The following AIG1 variants were observed in gnomAD, a reference collection of about 807,000 sequenced individuals.
The protein encoded by AIG1 is androgen induced 1.
AIG1 carries 23 observed loss-of-function variants against 31.4 expected under a neutral mutation model. The observed-to-expected ratio is 0.73, with a 90% CI of 0.53 to 1.04. AIG1 has a LOEUF of 1.04. Ranked by LOEUF, AIG1 falls within the 50% of genes least tolerant of loss-of-function variation. The probability of loss-of-function intolerance (pLI) is 0.00; values close to 1 mark genes in which losing one functional copy is unlikely to be tolerated. For missense variants in AIG1, 274 were observed against 295.0 expected (o/e 0.93, Z 0.52); for synonymous variants, 100 against 110.5 (o/e 0.90, Z 0.60).
chr6:143,103,379 G>A (rs1780480408), intron 1 of AIG1, among the ~76,000 whole-genome samples: 2 of 151,844 alleles, frequency 1.3e-5, no homozygotes, highest in African/African-American at 2.4e-5. Context: ...TTTGTGGAAT[G>A]TATATATACA....
At chr6:143,223,601 G>T (rs1034027492) in intron 3 of AIG1, among the ~76,000 whole-genome samples, 2 of 152,082 alleles carry the variant, frequency 1.3e-5, no homozygotes, top group Admixed American at 6.5e-5. Flanking sequence ...TACGGCAACA[G>T]GGTCTGAATT....
chr6:143,123,783 A>T (rs1328394760), intron 1 of AIG1, among the ~76,000 whole-genome samples: 2 of 152,224 alleles, frequency 1.3e-5, no homozygotes, highest in East Asian at 3.8e-4. Context: ...AATTTTCAAT[A>T]TACAGTTTAA....
At position 143,253,977 on chromosome 6, in the gene AIG1, GTCTTC is replaced by G. The variant is rs1045362261; in HGVS notation, c.400-30129_400-30125del. Among the ~76,000 whole-genome samples, 132 of 152,250 alleles carry G rather than the reference GTCTTC, an allele frequency of 8.7e-4. 1 individual carries two copies. Among genetic ancestry groups the G allele is most frequent in the African/African-American group, 3.2e-3 (131 of 41,560 alleles). On this transcript the variant is annotated intron_variant, in intron 3 of 5. Coordinates refer to ENST00000357847, the MANE Select transcript of AIG1 (RefSeq NM_016108.4). ...AAGACTGACCCTTTCTCTTTTTGAAGTCTTCTCTCGCTTCCTAGCTATCAGGGAGT... is the reference window on the plus strand; with the variant it reads ...AAGACTGACCCTTTCTCTTTTTGAAGTCTCGCTTCCTAGCTATCAGGGAGT...
chr6:143,193,443 T>C (rs921758239), intron 3 of AIG1, among the ~76,000 whole-genome samples: 1 of 152,236 alleles, frequency 6.6e-6, no homozygotes, highest in African/African-American at 2.4e-5. Context: ...AGTGAGAATA[T>C]ATAGAAAAGA....
chr6:143,187,350 G>T lies in AIG1; in HGVS notation c.399+22167G>T, dbSNP rs79540725. ...CTAATCAGACCACAGATATTTTGCTGCATTCCATGGTGTCTCATTTATTTG... is the reference window on the plus strand; with the variant it reads ...CTAATCAGACCACAGATATTTTGCTTCATTCCATGGTGTCTCATTTATTTG... On this transcript the variant is annotated intron_variant, in intron 3 of 5. Coordinates refer to ENST00000357847, the MANE Select transcript of AIG1 (RefSeq NM_016108.4). The T allele has an allele frequency of 2.7e-6, 4 of 1,486,794 alleles. No individual in the cohort carries two copies. In the East Asian group the frequency reaches 7.4e-5, roughly 27 times the overall value. 92.1% of individuals were successfully genotyped at this position (1,486,794 alleles called of 1,614,324 possible). A position where few individuals can be genotyped will look rare whatever the true frequency, so the allele number is the denominator to read the frequency against.
chr6:143,156,511 C>T (rs1346139140), intron 2 of AIG1, among the ~76,000 whole-genome samples: 1 of 152,162 alleles, frequency 6.6e-6, no homozygotes, highest in Non-Finnish European at 1.5e-5. Flanking sequence ...AGAATGTTTA[C>T]TTTTTATACA....
chr6:143,309,569 A>G (rs1347070113), intron 4 of AIG1, among the ~76,000 whole-genome samples: 3 of 151,998 alleles, frequency 2.0e-5, no homozygotes, highest in African/African-American at 4.8e-5. Context: ...AGAAAGGGGG[A>G]AGGGCATAAA....
At chr6:143,147,220 C>T (rs6905322) in intron 2 of AIG1, among the ~76,000 whole-genome samples, 3,667 of 152,198 alleles carry the variant, frequency 0.024, 124 homozygotes, top group African/African-American at 0.075. Context: ...GAAGCTATGC[C>T]GCAGAGGGAG....
At chr6:143,143,856 G>C (rs1168268078) in intron 2 of AIG1, among the ~76,000 whole-genome samples, 1 of 151,980 alleles carries the variant, frequency 6.6e-6, no homozygotes, top group Admixed American at 6.6e-5. Context: ...AGATCAATAA[G>C]GAAAATGAGC....
At chr6:143,214,041 A>G (rs186414707) in intron 3 of AIG1, among the ~76,000 whole-genome samples, 1 of 152,344 alleles carries the variant, frequency 6.6e-6, no homozygotes, top group East Asian at 1.9e-4. Context: ...GAACAAAAGT[A>G]TAATAAAACA....
At chr6:143,196,355 A>ACGCGCG (rs199604811) in intron 3 of AIG1, among the ~76,000 whole-genome samples, 4 of 38,924 alleles carry the variant, frequency 1.0e-4, no homozygotes, top group African/African-American at 2.6e-4. Flanking sequence ...AAAGCAACAC[A>ACGCGCG]CACACACACA....
intron 3 of AIG1, among the ~76,000 whole-genome samples, chr6:143,276,017 G>A (rs76979532): frequency 0.013 from 2,018 of 152,254 alleles, 20 homozygotes; most frequent in African/African-American, 0.032. Flanking sequence ...AATACACACC[G>A]CACTGCAGCC....
At chr6:143,189,359 T>G in intron 3 of AIG1, 2 of 961,568 alleles carry the variant, frequency 2.1e-6, no homozygotes, top group Non-Finnish European at 1.2e-6. Flanking sequence ...TAGGATTACA[T>G]GCATGAGCTA....
At chr6:143,189,966 C>T (rs938741969) in intron 3 of AIG1, 2 of 509,822 alleles carry the variant, frequency 3.9e-6, no homozygotes, top group Non-Finnish European at 5.1e-6. Context: ...GGATCCTCTT[C>T]CAGATTACAG....
rs1554260078 is a variant in AIG1, at chr6:143,229,784, C to CAACAAA, written c.400-54324_400-54323insCAAAAA. The stretch of plus-strand genomic sequence containing the variant: ...GCCTCTCGTTTCTGGACTCTCAGAA[C>CAACAAA]AAAAAAAAAAAAAAAAAAAAGGATC... On this transcript the variant is annotated intron_variant, in intron 3 of 5. Transcript: ENST00000357847. Among the ~76,000 whole-genome samples, 18 of 80,674 alleles carry CAACAAA rather than the reference C, an allele frequency of 2.2e-4. 1 individual carries two copies. Among genetic ancestry groups the CAACAAA allele is most frequent in the Admixed American group, 8.4e-4 (6 of 7,130 alleles). 52.9% of individuals were successfully genotyped at this position (80,674 alleles called of 152,430 possible). A position where few individuals can be genotyped will look rare whatever the true frequency, so the allele number is the denominator to read the frequency against.
At chr6:143,220,814 C>T (rs989099505) in intron 3 of AIG1, among the ~76,000 whole-genome samples, 1 of 152,136 alleles carries the variant, frequency 6.6e-6, no homozygotes, top group African/African-American at 2.4e-5. Flanking sequence ...TTACTGGTTA[C>T]CTCTAATTTT....
chr6:143,132,383 G>A (rs952184579), intron 1 of AIG1, among the ~76,000 whole-genome samples: 1 of 152,004 alleles, frequency 6.6e-6, no homozygotes, highest in Non-Finnish European at 1.5e-5. Flanking sequence ...TCCATTATAA[G>A]ACTTAAAAGA....
At chr6:143,122,894 A>G (rs1284076538) in intron 1 of AIG1, among the ~76,000 whole-genome samples, 1 of 151,842 alleles carries the variant, frequency 6.6e-6, no homozygotes, top group Non-Finnish European at 1.5e-5. Flanking sequence ...TCCTGACTCC[A>G]TGTTTTTCTT....
At chr6:143,186,314 G>A (rs1789254158) in intron 3 of AIG1, among the ~76,000 whole-genome samples, 1 of 152,166 alleles carries the variant, frequency 6.6e-6, no homozygotes, top group African/African-American at 2.4e-5. Context: ...TTCAAGCAAG[G>A]ATGTTTTTCT....
Sources: gnomAD v4.1 joint callset for allele counts (sites outside exome capture counted in the v4.1 genomes callset) on GRCh38, gnomAD v4.1.1 for gene constraint, MANE v1.5 for transcripts, NCBI Gene and HGNC (gene_info 2026-07-23, HGNC 2026-07-21) for gene names.